The following MBNL1 variants were observed in gnomAD, a reference collection of about 807,000 sequenced individuals.
MBNL1 encodes the protein muscleblind-like protein 1.
Under a neutral mutation model 42.2 loss-of-function variants are expected in MBNL1, and 8 were observed. That is an observed-to-expected ratio of 0.19 (90% CI 0.11 to 0.34). MBNL1 has a LOEUF of 0.34. Among genes scored for constraint, MBNL1 ranks in the 10% least tolerant of loss-of-function variants. MBNL1 has a pLI of 1.00. For missense variants in MBNL1, 309 were observed against 495.3 expected (o/e 0.62, Z 3.57); for synonymous variants, 169 against 173.9 (o/e 0.97, Z 0.22).
chr3:152,338,761 G>A (rs2152788589), intron 2 of MBNL1: 1 of 898,804 alleles, frequency 1.1e-6, no homozygotes, highest in South Asian at 5.1e-5. Context: ...AGTAGTTAAA[G>A]AATGTCCTTG....
rs147123364 is a variant in MBNL1, at chr3:152,436,040, C to T, written c.549+3120C>T. Among the ~76,000 whole-genome samples, 11 of 152,070 alleles carry T rather than the reference C, an allele frequency of 7.2e-5. No homozygotes were observed. The East Asian group carries it at 1.5e-3, about 21-fold the overall frequency. ...CCTATTTGGATACCTTTTATTTCCT[C>T]CTCCTGAGGATGAGGCAATACTTAG... On this transcript the variant is annotated intron_variant, in intron 4 of 9. Coordinates refer to ENST00000324210, the MANE Select transcript of MBNL1 (RefSeq NM_021038.5).
chr3:152,300,491 A>G, intron 2 of MBNL1, 124 bp downstream of exon 2: 1 of 769,512 alleles, frequency 1.3e-6, no homozygotes, highest in Admixed American at 3.1e-5. Flanking sequence ...CAGTGTGTTG[A>G]TGATGTTGGG....
intron 2 of MBNL1, among the ~76,000 whole-genome samples, chr3:152,337,193 G>A (rs1220661379): frequency 6.6e-6 from 1 of 152,082 alleles, no homozygotes; most frequent in African/African-American, 2.4e-5. Context: ...GTGAGTTCTT[G>A]AAGGCTTGTG....
intron 2 of MBNL1, among the ~76,000 whole-genome samples, chr3:152,385,263 G>T (rs2097361690): frequency 6.6e-6 from 1 of 151,964 alleles, no homozygotes. Flanking sequence ...GAGAGCCATT[G>T]TTTCCTTAAG....
chr3:152,265,645 G>C (rs986289020), upstream of MBNL1: 13 of 152,138 alleles, frequency 8.5e-5, no homozygotes, highest in East Asian at 3.8e-4. Flanking sequence ...TTCCTTAACT[G>C]TATTTTTATT....
intron 2 of MBNL1, among the ~76,000 whole-genome samples, chr3:152,349,526 G>T (rs564547235): frequency 6.6e-6 from 1 of 151,992 alleles, no homozygotes; most frequent in African/African-American, 2.4e-5. Context: ...TTTCTGAGTT[G>T]CACTATAAAA....
intron 2 of MBNL1, chr3:152,341,134 G>T (rs2093085940): frequency 2.9e-5 from 13 of 453,946 alleles, no homozygotes; most frequent in Non-Finnish European, 4.8e-5. Flanking sequence ...CATTAAAATG[G>T]GTAATTCTTT....
At chr3:152,414,842 C>A in intron 2 of MBNL1, 99 bp from the exon 3 acceptor site, 1 of 1,186,956 alleles carries the variant, frequency 8.4e-7, no homozygotes, top group Non-Finnish European at 1.2e-6. Flanking sequence ...TGTGAAAAAC[C>A]AATGATACAT....
rs536224053 is a variant in MBNL1, at chr3:152,279,886, A to G, written c.-790+10794A>G. On this transcript the variant is annotated intron_variant, in intron 1 of 9. Transcript: ENST00000324210. ...ATCAGTCTCTGCTCTCTGTAACTTT[A>G]CATGTGATGTAGCCTGTGACTTTAA... 3.0e-4 allele frequency among the ~76,000 whole-genome samples: 45 copies of G among 152,272 alleles called. 1 individual carries two copies. In the South Asian group the frequency reaches 8.7e-3, roughly 29 times the overall value.
upstream of MBNL1, chr3:152,266,594 T>C (rs2037269506): frequency 1.3e-5 from 2 of 152,212 alleles, no homozygotes; most frequent in Non-Finnish European, 2.9e-5. Flanking sequence ...TCGCAGGCAT[T>C]CTAAGCAGAG....
chr3:152,303,094 A>G (rs371198816), intron 2 of MBNL1, among the ~76,000 whole-genome samples: 4 of 152,108 alleles, frequency 2.6e-5, no homozygotes, highest in African/African-American at 9.7e-5. Flanking sequence ...TTGGTATGTT[A>G]CTAAAGATAA....
At chr3:152,361,037 TATATG>T (rs1465246416) in intron 2 of MBNL1, among the ~76,000 whole-genome samples, 2 of 152,146 alleles carry the variant, frequency 1.3e-5, no homozygotes, top group African/African-American at 2.4e-5. Flanking sequence ...ATTTTAGATA[TATATG>T]ATATAATTAT....
chr3:152,333,106 T>G (rs2086484224), intron 2 of MBNL1, among the ~76,000 whole-genome samples: 1 of 152,156 alleles, frequency 6.6e-6, no homozygotes, highest in African/African-American at 2.4e-5. Flanking sequence ...TGCATGTAAC[T>G]AAATTAATTT....
intron 2 of MBNL1, among the ~76,000 whole-genome samples, chr3:152,360,934 T>G (rs554624428): frequency 6.6e-6 from 1 of 152,282 alleles, no homozygotes; most frequent in South Asian, 2.1e-4. Flanking sequence ...ATTTCTTGAT[T>G]TATTCATTCA....
intron 2 of MBNL1, among the ~76,000 whole-genome samples, chr3:152,334,345 T>G (rs928690393): frequency 1.3e-5 from 2 of 152,210 alleles, no homozygotes; most frequent in African/African-American, 4.8e-5. Flanking sequence ...GCTTTTTATA[T>G]CTATAGGATT....
At chr3:152,331,832 A>G (rs1030610266) in intron 2 of MBNL1, among the ~76,000 whole-genome samples, 3 of 152,014 alleles carry the variant, frequency 2.0e-5, no homozygotes, top group Non-Finnish European at 4.4e-5. Flanking sequence ...CTGGGATTAC[A>G]GCCTCCCCAC....
chr3:152,313,501 T>C (rs942993042), intron 2 of MBNL1, among the ~76,000 whole-genome samples: 2 of 152,136 alleles, frequency 1.3e-5, no homozygotes, highest in Admixed American at 1.3e-4. Flanking sequence ...CTTTCAAGAT[T>C]TGTGAGGATT....
chr3:152,359,304 C>T (rs1288619619), intron 2 of MBNL1, among the ~76,000 whole-genome samples: 1 of 152,166 alleles, frequency 6.6e-6, no homozygotes. Flanking sequence ...AATAGTATCT[C>T]CATTTCTCAC....
chr3:152,295,494 TGTAA>T (rs2058176390), intron 1 of MBNL1, among the ~76,000 whole-genome samples: 1 of 152,230 alleles, frequency 6.6e-6, no homozygotes, highest in African/African-American at 2.4e-5. Context: ...TGTTTATTTC[TGTAA>T]GTGTGAATGA....
Sources: allele counts gnomAD v4.1 joint callset (sites outside exome capture counted in the v4.1 genomes callset), GRCh38; gene constraint gnomAD v4.1.1; transcripts MANE v1.5; gene names NCBI Gene and HGNC (gene_info 2026-07-23, HGNC 2026-07-21).